Variants in RASA3 observed in about 807,000 individuals in gnomAD.
The protein encoded by RASA3 is ras GTPase-activating protein 3.
A neutral mutation model predicts 110.0 loss-of-function variants in RASA3; 73 were observed. The ratio of observed to expected loss-of-function variants is 0.66; its 90% CI spans 0.55 to 0.81. The LOEUF (loss-of-function observed/expected upper bound fraction) is 0.81. Among genes scored for constraint, RASA3 ranks in the 30% least tolerant of loss-of-function variants. RASA3 has a pLI of 0.00. For synonymous variants in RASA3, 500 were observed against 451.4 expected, an observed-to-expected ratio of 1.11 and a Z score of -1.37; for missense variants, 976 against 1,113.2, an observed-to-expected ratio of 0.88 and a Z score of 1.75.
intron 16 of RASA3, among the ~76,000 whole-genome samples, chr13:114,010,770 AGGAG>A (rs2053618547): frequency 2.4e-5 from 2 of 82,504 alleles, no homozygotes; most frequent in Admixed American, 1.4e-4. Context: ...GGAGGTGGGG[AGGAG>A]GGGGCCGCGT....
intron 3 of RASA3, among the ~76,000 whole-genome samples, chr13:114,043,837 G>GCCCCCCGCCCCGCCTCACTCGCTGAGCC (rs2078985591): frequency 4.4e-5 from 1 of 22,834 alleles, no homozygotes; most frequent in African/African-American, 3.4e-4. Flanking sequence ...CACTCGCTGA[G>GCCCCCCGCCCCGCCTCACTCGCTGAGCC]CCCCCCGCCC....
chr13:114,080,639 C>G (rs2079768655), intron 1 of RASA3, among the ~76,000 whole-genome samples: 1 of 141,976 alleles, frequency 7.0e-6, no homozygotes, highest in Admixed American at 6.7e-5. Context: ...GCCCACTGTG[C>G]TTACTGGAGG....
At chr13:113,998,476 GA>G (rs1161140100) in intron 20 of RASA3, among the ~76,000 whole-genome samples, 1 of 152,246 alleles carries the variant, frequency 6.6e-6, no homozygotes, top group Non-Finnish European at 1.5e-5. Context: ...ACTGTTCTAT[GA>G]CCCTCATGCT....
chr13:114,116,550 T>G (rs1291786305), intron 1 of RASA3, among the ~76,000 whole-genome samples: 2 of 120,888 alleles, frequency 1.7e-5, no homozygotes, highest in African/African-American at 5.4e-5. Context: ...AAAACACTAC[T>G]GAGTTAATGC....
chr13:114,030,611 C>T (rs957584331), intron 4 of RASA3, among the ~76,000 whole-genome samples: 1 of 152,206 alleles, frequency 6.6e-6, no homozygotes, highest in Non-Finnish European at 1.5e-5. Flanking sequence ...CCTGCGGGTC[C>T]ACCTGTCTCT....
chr13:114,058,291 G>A (rs926685629), intron 2 of RASA3, among the ~76,000 whole-genome samples: 2 of 152,062 alleles, frequency 1.3e-5, no homozygotes, highest in African/African-American at 4.8e-5. Context: ...CGGCGAGGCC[G>A]TCACCACCAT....
At chr13:114,055,570 G>A (rs568368598) in intron 2 of RASA3, among the ~76,000 whole-genome samples, 2 of 152,328 alleles carry the variant, frequency 1.3e-5, no homozygotes, top group East Asian at 1.9e-4. Flanking sequence ...CAGGACAAGC[G>A]TTAACAATTA....
chr13:114,013,952 GT>G (rs2053726466), intron 14 of RASA3, among the ~76,000 whole-genome samples: 1 of 108,112 alleles, frequency 9.2e-6, no homozygotes, highest in East Asian at 2.9e-4. Context: ...CTATCTCTCT[GT>G]CTCTCTCTCT....
rs2080260094 is a variant in RASA3 at position 114,115,064 on chromosome 13, C to A, written c.55+17371G>T. ...TGCTGCAGGTTCCCCAGCCCCACCC[C>A]CAGCTGTGAGATGCTGCAGGTCCCG... On this transcript the variant is annotated intron_variant, in intron 1 of 23. Transcript: ENST00000334062. The surrounding 1 kb of genome is among the most constrained non-coding windows in gnomAD (Gnocchi z 5.0). Among the ~76,000 whole-genome samples, 1 of 152,082 alleles carries A rather than the reference C, an allele frequency of 6.6e-6. No individual in the cohort carries two copies. The highest frequency in any genetic ancestry group is 1.5e-5 in the Non-Finnish European group (1 of 67,980).
chr13:113,979,807 TCAG>T (rs1254855677), intron 23 of RASA3, among the ~76,000 whole-genome samples: 2 of 152,078 alleles, frequency 1.3e-5, no homozygotes, highest in African/African-American at 2.4e-5. Flanking sequence ...GCTGGGACAC[TCAG>T]CAGGCGTGGG....
intron 16 of RASA3, among the ~76,000 whole-genome samples, chr13:114,010,638 A>G (rs1594315177): frequency 1.5e-5 from 1 of 67,104 alleles, no homozygotes; most frequent in Admixed American, 1.8e-4. Flanking sequence ...CCGCTTGGGG[A>G]GGAAGCGCCA....
In RASA3 at chr13:114,018,827, T is replaced by G. The variant is rs1255348355; in HGVS notation, c.878A>C (p.His293Pro). The G allele has an allele frequency of 6.2e-7, 1 of 1,613,716 alleles. No homozygotes were observed. The highest frequency in any genetic ancestry group is 8.5e-7 in the Non-Finnish European group (1 of 1,180,000). ...GCTGTAATAGTCAGAAGAAAACACG[T>G]GGTCTTCCGTGTATACCACGTTCAG... ...LRLNVVYTED[H>P]VFSSDYYSPL... is the part of the protein sequence containing the mutation. The change falls in exon 10 of 24, where the codon CAC becomes CCC. Residue 293 changes from histidine (H) to proline (P), a missense_variant. His to Pro is a moderately conservative substitution (Grantham distance 77, BLOSUM62 -2). This residue lies in a region of RASA3 where 732 missense variants were observed against 779.7 expected (regional missense o/e 0.94). Transcript: ENST00000334062.
At position 114,032,740 on chromosome 13, in the gene RASA3, T is replaced by C. The variant is rs868252904; in HGVS notation, c.373-2853A>G. On this transcript the variant is annotated intron_variant, in intron 4 of 23. Coordinates refer to ENST00000334062, the MANE Select transcript of RASA3 (RefSeq NM_007368.4). The stretch of plus-strand genomic sequence containing the variant: ...CCCCTACACTTGACACCACGTTCCA[T>C]GGCACCCCCACACTGACACCACGCC... Among the ~76,000 whole-genome samples, 317 of 49,644 alleles carry C rather than the reference T, an allele frequency of 6.4e-3. 2 individuals carry two copies. Among genetic ancestry groups the C allele is most frequent in the African/African-American group, 0.016 (176 of 10,878 alleles). 32.6% of individuals were successfully genotyped at this position (49,644 alleles called of 152,430 possible).
intron 2 of RASA3, among the ~76,000 whole-genome samples, chr13:114,067,715 G>A (rs1408321769): frequency 6.6e-6 from 1 of 152,162 alleles, no homozygotes; most frequent in African/African-American, 2.4e-5. Context: ...CACCCACTGC[G>A]TGCACACAGG....
chr13:114,032,745 C>A (rs1269584686), intron 4 of RASA3, among the ~76,000 whole-genome samples: 1 of 111,416 alleles, frequency 9.0e-6, no homozygotes, highest in Non-Finnish European at 1.8e-5. Flanking sequence ...TTCCATGGCA[C>A]CCCCACACTG....
chr13:113,980,074 T>G (rs969437980), intron 23 of RASA3, among the ~76,000 whole-genome samples: 1 of 101,072 alleles, frequency 9.9e-6, no homozygotes, highest in African/African-American at 3.7e-5. Flanking sequence ...TCCTCCCATG[T>G]GTGTGCACCA....
chr13:114,015,769 G>A (rs1271388165), intron 13 of RASA3, among the ~76,000 whole-genome samples: 1 of 152,198 alleles, frequency 6.6e-6, no homozygotes, highest in East Asian at 1.9e-4. Flanking sequence ...GACAGCCTGG[G>A]GAGGCAGGGA....
At chr13:114,005,778 C>G (rs959276328) in intron 18 of RASA3, among the ~76,000 whole-genome samples, 1 of 28,970 alleles carries the variant, frequency 3.5e-5, no homozygotes, top group Non-Finnish European at 5.3e-5. Flanking sequence ...TACCCTTCTC[C>G]CCCCTCCTGC....
Position 113,992,525 on chromosome 13 carries a change from G to A in RASA3, c.2205C>T (p.Ser735=), listed in dbSNP as rs1439222663. The A allele has an allele frequency of 1.9e-6, 3 of 1,613,574 alleles. No homozygotes were observed. The highest frequency in any genetic ancestry group is 2.5e-6 in the Non-Finnish European group (3 of 1,179,948). ...DGDRETERIY[S]LFNLYMSKLE... ...GCTTGCTCATGTACAAGTTGAAGAG[G>A]GAGTAGATACGCTCCGTCTCACGGT... Residue 735 remains serine (S), a synonymous_variant, in exon 22 of 24, where the codon TCC becomes TCT. Transcript: ENST00000334062.
Sources: gnomAD v4.1 joint callset for allele counts (sites outside exome capture counted in the v4.1 genomes callset) on GRCh38, gnomAD v4.1.1 for gene constraint, gnomAD v4.1.1 regional missense constraint, Gnocchi (gnomAD v3.1) non-coding constraint, MANE v1.5 for transcripts, NCBI Gene and HGNC (gene_info 2026-07-23, HGNC 2026-07-21) for gene names.